OTUD7B: variants seen among roughly 807,000 people sequenced by gnomAD.
OTUD7B encodes the protein OTU domain-containing protein 7B.
OTUD7B carries 34 observed loss-of-function variants against 82.2 expected under a neutral mutation model. The observed-to-expected ratio is 0.41, with a 90% CI of 0.31 to 0.55. The LOEUF (loss-of-function observed/expected upper bound fraction) is 0.55, where lower values mean the gene tolerates loss of function less well. OTUD7B is among the 20% of genes least tolerant of loss of function. The pLI is 0.20. For missense variants in OTUD7B, 944 were observed against 1,062.1 expected (o/e 0.89, Z 1.55); for synonymous variants, 398 against 402.7 (o/e 0.99, Z 0.14).
At chr1:150,036,880 A>C in the OTUD7B span, among the ~76,000 whole-genome samples, 1 of 152,190 alleles carries the variant, frequency 6.6e-6, no homozygotes, top group Non-Finnish European at 1.5e-5. Flanking sequence ...ATGTGAGCTC[A>C]TGTATGTCAT....
chr1:149,944,321 T>A lies in OTUD7B; in HGVS notation c.2068A>T (p.Thr690Ser), dbSNP rs782351741. Residue 690 changes from threonine (T) to serine (S), a missense_variant, in exon 12 of 12, where the codon ACT (threonine) becomes TCT (serine). Thr to Ser is a moderately conservative substitution (Grantham distance 58). This residue lies in a region of OTUD7B where 412 missense variants were observed against 418.7 expected (regional missense o/e 0.98). Coordinates refer to ENST00000581312, the MANE Select transcript of OTUD7B (RefSeq NM_020205.4). ...PAESRAMAFS[T>S]GYPGDFTIPR... The stretch of plus-strand genomic sequence containing the variant: ...ATAGTAAAGTCCCCAGGGTAGCCAG[T>A]GGAAAATGCCATTGCCCTGGACTCT... 1.2e-6 allele frequency: 2 copies of A among 1,611,212 alleles called. No individual in the cohort carries two copies. The highest frequency in any genetic ancestry group is 4.5e-5 in the East Asian group (2 of 44,850).
chr1:150,020,067 G>A, the OTUD7B span, among the ~76,000 whole-genome samples: 1 of 152,202 alleles, frequency 6.6e-6, no homozygotes, highest in Non-Finnish European at 1.5e-5. Context: ...GTTTGAGGCT[G>A]CAGTGAACTG....
At chr1:150,009,956 A>C (rs935800075) in intron 1 of OTUD7B, among the ~76,000 whole-genome samples, 53 of 151,076 alleles carry the variant, frequency 3.5e-4, no homozygotes, top group African/African-American at 1.3e-3. Context: ...CACACACACA[A>C]ACACACACAC....
At position 149,944,479 on chromosome 1, in the gene OTUD7B, T is replaced by C. The variant is rs1647542071; in HGVS notation, c.1910A>G (p.Glu637Gly). 5.0e-6 allele frequency: 8 copies of C among 1,614,028 alleles called. No individual in the cohort carries two copies. The highest frequency in any genetic ancestry group is 6.8e-6 in the Non-Finnish European group (8 of 1,180,036). The change falls in exon 12 of 12, where the codon GAG becomes GGG. Residue 637 changes from glutamate (E) to glycine (G), a missense_variant. Physicochemically the swap from Glu to Gly is moderately conservative, Grantham distance 98. Coordinates refer to ENST00000581312, the MANE Select transcript of OTUD7B (RefSeq NM_020205.4). ...CTGCTTCTGTTCTGCCAGGAATCTCTCCTCAGCATCAGAAAGGTAGCGCTG... is the reference window on the plus strand; with the variant it reads ...CTGCTTCTGTTCTGCCAGGAATCTCCCCTCAGCATCAGAAAGGTAGCGCTG... ...MIQRYLSDAEERFLAEQKQKE... is the reference protein window; with the variant it reads ...MIQRYLSDAEGRFLAEQKQKE...
rs587708903 is a variant in OTUD7B at position 149,956,534 on chromosome 1, G to T, written c.845+3150C>A. On this transcript the variant is annotated intron_variant, in intron 7 of 11. Transcript: ENST00000581312. ...ATTTCAGAGTTGCTCTTCTCAAGGA[G>T]TATCTTTGTGGCGTTCTCTGTATTC... Among the ~76,000 whole-genome samples, 9 of 152,250 alleles carry T rather than the reference G, an allele frequency of 5.9e-5. No homozygotes were observed. The South Asian group carries it at 1.9e-3, about 32-fold the overall frequency.
the OTUD7B span, among the ~76,000 whole-genome samples, chr1:150,022,258 C>T: frequency 2.6e-5 from 4 of 151,798 alleles, no homozygotes; most frequent in Admixed American, 6.6e-5. Context: ...ATTAGCCAGG[C>T]GTGTTGGCGC....
chr1:149,960,923 C>CTTTTTTTTTTTT (rs781962716), intron 6 of OTUD7B: 1 of 91,598 alleles, frequency 1.1e-5, no homozygotes, highest in Non-Finnish European at 1.9e-5. Context: ...TGGATACCTT[C>CTTTTTTTTTTTT]TTTTTTTTTT....
chr1:150,059,300 C>G, the OTUD7B span, among the ~76,000 whole-genome samples: 2 of 31,338 alleles, frequency 6.4e-5, no homozygotes, highest in African/African-American at 1.2e-4. Flanking sequence ...TGATCCACCC[C>G]CCCCCCCCCC....
chr1:150,065,442 A>G, the OTUD7B span, among the ~76,000 whole-genome samples: 1 of 152,198 alleles, frequency 6.6e-6, no homozygotes, highest in Non-Finnish European at 1.5e-5. Context: ...AGTGAAAACA[A>G]ATTTTTCAAG....
the OTUD7B span, among the ~76,000 whole-genome samples, chr1:150,052,418 T>C: frequency 9.9e-5 from 15 of 151,950 alleles, no homozygotes; most frequent in Admixed American, 2.6e-4. Flanking sequence ...TCATTCACAA[T>C]TGTCACTAAA....
At chr1:150,056,160 G>C in the OTUD7B span, among the ~76,000 whole-genome samples, 1 of 152,140 alleles carries the variant, frequency 6.6e-6, no homozygotes, top group South Asian at 2.1e-4. Flanking sequence ...TGGCTTGCCT[G>C]TTCTCTTAAA....
chr1:149,948,657 A>C (rs1647949878), intron 10 of OTUD7B, among the ~76,000 whole-genome samples: 1 of 152,186 alleles, frequency 6.6e-6, no homozygotes, highest in Non-Finnish European at 1.5e-5. Flanking sequence ...GGCATAAGCC[A>C]CCATGCCCGG....
At chr1:149,964,137 A>T (rs1553776005) in intron 6 of OTUD7B, 85 bp downstream of exon 6, 1 of 1,505,306 alleles carries the variant, frequency 6.6e-7, no homozygotes, top group Non-Finnish European at 9.1e-7. Context: ...AAACACTTGG[A>T]AATATTTTCT....
chr1:150,058,314 C>T, the OTUD7B span, among the ~76,000 whole-genome samples: 36 of 152,166 alleles, frequency 2.4e-4, no homozygotes, highest in African/African-American at 7.5e-4. Context: ...CGAGATCAGC[C>T]TGGGCAACAT....
the OTUD7B span, among the ~76,000 whole-genome samples, chr1:150,037,147 A>T: frequency 6.6e-6 from 1 of 152,174 alleles, no homozygotes; most frequent in Non-Finnish European, 1.5e-5. Flanking sequence ...TCAGCATTCT[A>T]TCTAATGGAA....
intron 2 of OTUD7B, among the ~76,000 whole-genome samples, chr1:149,972,585 A>C (rs1220207417): frequency 6.6e-6 from 1 of 152,198 alleles, no homozygotes; most frequent in Non-Finnish European, 1.5e-5. Flanking sequence ...AGCACTTAAC[A>C]GTTTATAATA....
chr1:150,045,293 C>T, the OTUD7B span, among the ~76,000 whole-genome samples: 4 of 151,588 alleles, frequency 2.6e-5, no homozygotes, highest in Non-Finnish European at 4.4e-5. Flanking sequence ...AGGGTTTCAC[C>T]ATGTTGGCCA....
chr1:150,032,405 A>G, the OTUD7B span, among the ~76,000 whole-genome samples: 1 of 139,224 alleles, frequency 7.2e-6, no homozygotes, highest in Non-Finnish European at 1.5e-5. Flanking sequence ...AATTGGGAGG[A>G]CTGCTTGAGC....
intron 11 of OTUD7B, among the ~76,000 whole-genome samples, chr1:149,946,126 C>G (rs1371863907): frequency 1.3e-5 from 2 of 151,070 alleles, no homozygotes; most frequent in Non-Finnish European, 2.9e-5. Context: ...CGCCTGTAAT[C>G]CCAGCACTTT....
Sources: allele counts gnomAD v4.1 joint callset (sites outside exome capture counted in the v4.1 genomes callset), GRCh38; gene constraint gnomAD v4.1.1; regional missense constraint gnomAD v4.1.1; transcripts MANE v1.5; gene names NCBI Gene and HGNC (gene_info 2026-07-23, HGNC 2026-07-21).